Variants in DPP10 observed in about 807,000 individuals in gnomAD.
DPP10 encodes the protein inactive dipeptidyl peptidase 10.
DPP10 carries 33 observed loss-of-function variants against 120.9 expected under a neutral mutation model. The observed-to-expected ratio is 0.27, with a 90% confidence interval of 0.21 to 0.37. The LOEUF is 0.37. DPP10 is among the 10% of genes least tolerant of loss of function. The pLI is 1.00. For missense variants in DPP10, 816 were observed against 942.8 expected (o/e 0.87, Z 1.76); for synonymous variants, 337 against 326.1 (o/e 1.03, Z -0.36).
At chr2:114,560,094 A>G (rs1466576369) in intron 1 of DPP10, among the ~76,000 whole-genome samples, 4 of 152,130 alleles carry the variant, frequency 2.6e-5, no homozygotes, top group Non-Finnish European at 4.4e-5. Flanking sequence ...TTTTTACTTT[A>G]GGAAATTTTG....
At chr2:114,476,990 A>G (rs1029515480) in intron 1 of DPP10, among the ~76,000 whole-genome samples, 1 of 150,846 alleles carries the variant, frequency 6.6e-6, no homozygotes, top group Non-Finnish European at 1.5e-5. Flanking sequence ...TCAGAGTTTC[A>G]CTCTGTTGCC....
chr2:115,579,378 G>A (rs1387585826), intron 5 of DPP10: 1 of 152,134 alleles, frequency 6.6e-6, no homozygotes, highest in Non-Finnish European at 1.5e-5. Context: ...AAGGACTCTG[G>A]TAGACAGACA....
intron 1 of DPP10, among the ~76,000 whole-genome samples, chr2:114,527,929 G>A (rs1685640808): frequency 6.6e-6 from 1 of 152,090 alleles, no homozygotes; most frequent in African/African-American, 2.4e-5. Context: ...TAATCTTATG[G>A]GACTACCGTC....
chr2:115,685,980 G>T (rs2090965957), intron 5 of DPP10, among the ~76,000 whole-genome samples: 1 of 151,990 alleles, frequency 6.6e-6, no homozygotes, highest in East Asian at 1.9e-4. Flanking sequence ...TCTACTCCTG[G>T]GTCTTTCACA....
At chr2:115,193,978 G>A (rs1476859199) in intron 1 of DPP10, among the ~76,000 whole-genome samples, 1 of 152,112 alleles carries the variant, frequency 6.6e-6, no homozygotes, top group Non-Finnish European at 1.5e-5. Flanking sequence ...AACCTGCTGG[G>A]TTAAGTGAAT....
At chr2:114,960,199 G>A (rs912215190) in intron 1 of DPP10, among the ~76,000 whole-genome samples, 3 of 151,966 alleles carry the variant, frequency 2.0e-5, no homozygotes, top group Non-Finnish European at 4.4e-5. Context: ...CTTTCCAAAG[G>A]CATGACAATT....
chr2:115,288,081 T>C (rs2060477356), intron 1 of DPP10, among the ~76,000 whole-genome samples: 1 of 152,182 alleles, frequency 6.6e-6, no homozygotes, highest in Non-Finnish European at 1.5e-5. Context: ...TTTAGTTCTT[T>C]GAGAAATCTC....
At chr2:115,609,848 A>T (rs1361036434) in intron 5 of DPP10, among the ~76,000 whole-genome samples, 1 of 152,168 alleles carries the variant, frequency 6.6e-6, no homozygotes, top group African/African-American at 2.4e-5. Flanking sequence ...TAATTTTAAA[A>T]ACTGAAATAT....
intron 1 of DPP10, among the ~76,000 whole-genome samples, chr2:115,305,283 G>C (rs985249696): frequency 6.6e-5 from 10 of 152,014 alleles, no homozygotes; most frequent in African/African-American, 2.4e-4. Context: ...TGTTGGTCTG[G>C]CATGTGCAAT....
At chr2:115,295,854 A>C (rs1365899211) in intron 1 of DPP10, among the ~76,000 whole-genome samples, 1 of 152,098 alleles carries the variant, frequency 6.6e-6, no homozygotes, top group Non-Finnish European at 1.5e-5. Context: ...AAAAGTGATT[A>C]TACCTTCTAT....
At chr2:115,810,419 C>G (rs1349097388) in intron 19 of DPP10, among the ~76,000 whole-genome samples, 1 of 152,024 alleles carries the variant, frequency 6.6e-6, no homozygotes, top group African/African-American at 2.4e-5. Context: ...ATACTTTAAT[C>G]CAGTTTTGGT....
At chr2:114,802,947 T>C (rs1469397284) in intron 1 of DPP10, among the ~76,000 whole-genome samples, 1 of 152,202 alleles carries the variant, frequency 6.6e-6, no homozygotes, top group Admixed American at 6.5e-5. Context: ...GAACTTAACT[T>C]TTCCCCTGGA....
At chr2:115,220,352 G>C (rs538017186) in intron 1 of DPP10, among the ~76,000 whole-genome samples, 3 of 152,228 alleles carry the variant, frequency 2.0e-5, no homozygotes, top group East Asian at 3.9e-4. Flanking sequence ...TTTCCAATTA[G>C]TTACCTCGTG....
intron 1 of DPP10, among the ~76,000 whole-genome samples, chr2:114,718,864 T>C (rs1411253430): frequency 1.3e-5 from 2 of 152,214 alleles, no homozygotes; most frequent in Admixed American, 1.3e-4. Context: ...CTAAGTGTTC[T>C]TTGTAATGTC....
chr2:115,345,580 T>C (rs1340006206), intron 3 of DPP10, among the ~76,000 whole-genome samples: 1 of 152,170 alleles, frequency 6.6e-6, no homozygotes, highest in Non-Finnish European at 1.5e-5. Flanking sequence ...CACCATGTTT[T>C]TGGACAAATT....
chr2:115,242,624 C>G (rs777544376), intron 1 of DPP10, among the ~76,000 whole-genome samples: 7 of 151,698 alleles, frequency 4.6e-5, no homozygotes, highest in Non-Finnish European at 7.4e-5. Flanking sequence ...TACATTACTA[C>G]CAGCAGTGTA....
intron 1 of DPP10, among the ~76,000 whole-genome samples, chr2:115,033,135 T>A (rs982715924): frequency 6.6e-6 from 1 of 152,122 alleles, no homozygotes; most frequent in Admixed American, 6.6e-5. Flanking sequence ...AACACTGAGG[T>A]ATTGATAGTA....
intron 1 of DPP10, among the ~76,000 whole-genome samples, chr2:115,188,712 G>C (rs768419191): frequency 1.5e-4 from 23 of 152,120 alleles, no homozygotes; most frequent in Non-Finnish European, 2.5e-4. Context: ...TGTTGGAAAT[G>C]CAAAATGCTA....
intron 5 of DPP10, among the ~76,000 whole-genome samples, chr2:115,628,967 C>A (rs761198523): frequency 2.6e-5 from 4 of 152,074 alleles, no homozygotes; most frequent in African/African-American, 4.8e-5. Context: ...CTTCCCCCTT[C>A]CCCCTACCCC....
Sources: allele counts gnomAD v4.1 joint callset (sites outside exome capture counted in the v4.1 genomes callset), GRCh38; gene constraint gnomAD v4.1.1; transcripts MANE v1.5; gene names NCBI Gene and HGNC (gene_info 2026-07-23, HGNC 2026-07-21).